Variants in CSMD2 observed in about 807,000 individuals in gnomAD.
The protein encoded by CSMD2 is CUB and sushi domain-containing protein 2.
A neutral mutation model predicts 398.5 loss-of-function variants in CSMD2; 130 were observed. That is an observed-to-expected ratio of 0.33 (90% CI 0.28 to 0.38). The LOEUF (loss-of-function observed/expected upper bound fraction) is 0.38. Among genes scored for constraint, CSMD2 ranks in the 10% least tolerant of loss-of-function variants. The pLI is 1.00. For synonymous variants in CSMD2, 1,828 were observed against 1,908.5 expected (o/e 0.96, Z 1.10); for missense variants, 3,829 against 4,764.9 (o/e 0.80, Z 5.78).
Position 33,622,264 on chromosome 1 carries a change from G to A in CSMD2, c.5730C>T (p.Thr1910=), listed in dbSNP as rs200049994. The A allele has an allele frequency of 7.8e-5, 126 of 1,613,392 alleles. No homozygotes were observed. Among genetic ancestry groups the A allele is most frequent in the Admixed American group, 1.5e-4 (9 of 60,008 alleles). The change falls in exon 37 of 71, where the codon ACC becomes ACT. Residue 1910 remains threonine (T), a synonymous_variant. Transcript: ENST00000373381. ...VTMLGSFSGT[T]VPALLNSTSN... is the part of the protein sequence containing the mutation. The stretch of plus-strand genomic sequence containing the variant: ...AGGTGCTGTTCAGAAGGGCAGGCAC[G>A]GTTGTTCCTAGGGCAAGGACACCAG...
At chr1:34,120,916 C>T (rs558352826) in intron 1 of CSMD2, among the ~76,000 whole-genome samples, 29 of 152,160 alleles carry the variant, frequency 1.9e-4, no homozygotes, top group Middle Eastern at 3.2e-3. Context: ...ATATGCCCAG[C>T]GAGGCATTTC....
At chr1:33,797,629 CCT>C (rs920819603) in intron 10 of CSMD2, among the ~76,000 whole-genome samples, 1 of 152,226 alleles carries the variant, frequency 6.6e-6, no homozygotes, top group Admixed American at 6.5e-5. Context: ...ATGACTTAAG[CCT>C]CTGTTTTCTC....
At chr1:33,964,345 T>C (rs530551369) in intron 3 of CSMD2, among the ~76,000 whole-genome samples, 125 of 152,330 alleles carry the variant, frequency 8.2e-4, no homozygotes, top group African/African-American at 2.8e-3. Context: ...TGTACTTAAA[T>C]CAGCCCCTGG....
At chr1:34,098,655 C>G (rs1024507421) in intron 1 of CSMD2, among the ~76,000 whole-genome samples, 2 of 149,042 alleles carry the variant, frequency 1.3e-5, no homozygotes, top group South Asian at 4.2e-4. Flanking sequence ...ATGTATCAGG[C>G]AATATTAAAA....
chr1:34,067,464 C>G (rs567254442), intron 2 of CSMD2, among the ~76,000 whole-genome samples: 17 of 152,138 alleles, frequency 1.1e-4, no homozygotes, highest in African/African-American at 4.1e-4. Flanking sequence ...GATGGGCCAA[C>G]GGCTTGTACA....
chr1:33,515,244 T>G lies in CSMD2; in HGVS notation c.*1380A>C, dbSNP rs1248861938. The stretch of plus-strand genomic sequence containing the variant: ...TTTTGATTCAGGACCTGCCAGGTCT[T>G]TTGCTGGCTATGGTCAGCGGCTGCT... On this transcript the variant is annotated 3_prime_UTR_variant, in exon 71 of 71. Coordinates refer to ENST00000373381, the MANE Select transcript of CSMD2 (RefSeq NM_001281956.2). 10 of 152,224 alleles carry G rather than the reference T, an allele frequency of 6.6e-5. No individual in the cohort carries two copies. Among genetic ancestry groups the G allele is most frequent in the Admixed American group, 6.5e-4 (10 of 15,284 alleles). The allele number at this position is 152,224 out of a possible 1,614,324, so 9.4% of individuals were successfully genotyped here.
intron 62 of CSMD2, among the ~76,000 whole-genome samples, chr1:33,534,298 A>G (rs151271388): frequency 2.2e-4 from 34 of 152,348 alleles, no homozygotes; most frequent in African/African-American, 8.2e-4. Context: ...GAATGTTGTG[A>G]CACTCAAATG....
intron 5 of CSMD2, chr1:33,864,056 T>G: frequency 1.3e-6 from 1 of 796,678 alleles, no homozygotes; most frequent in Non-Finnish European, 2.0e-6. Context: ...CTGAAAAGGC[T>G]GAGCCCTGAC....
At chr1:33,611,989 C>A (rs1641038742) in intron 40 of CSMD2, among the ~76,000 whole-genome samples, 1 of 152,122 alleles carries the variant, frequency 6.6e-6, no homozygotes, top group East Asian at 1.9e-4. Flanking sequence ...TTGTAAAAAT[C>A]AGATGACAAA....
intron 3 of CSMD2, among the ~76,000 whole-genome samples, chr1:33,956,207 T>TA (rs57869140): frequency 0.13 from 18,228 of 142,682 alleles, 1,325 homozygotes; most frequent in African/African-American, 0.22. Flanking sequence ...CTTAAAGTAT[T>TA]AAAAAAAAAA....
At position 33,516,234 on chromosome 1, in the gene CSMD2, C is replaced by T. The variant is rs1293990621; in HGVS notation, c.*390G>A. On this transcript the variant is annotated 3_prime_UTR_variant, in exon 71 of 71. Coordinates refer to ENST00000373381, the MANE Select transcript of CSMD2 (RefSeq NM_001281956.2). ...GGGCATGAAGCATCCTTCATGCGCA[C>T]TTCTAGTTTTGAAGCCTTTATGGTC... 6.6e-6 allele frequency: 1 copy of T among 152,100 alleles called. No individual in the cohort carries two copies. The highest frequency in any genetic ancestry group is 1.9e-4 in the East Asian group (1 of 5,172). The allele number at this position is 152,100 out of a possible 1,614,324, so 9.4% of individuals were successfully genotyped here.
At chr1:34,120,670 A>C (rs1662087645) in intron 1 of CSMD2, among the ~76,000 whole-genome samples, 1 of 151,988 alleles carries the variant, frequency 6.6e-6, no homozygotes, top group South Asian at 2.1e-4. Flanking sequence ...TCAGCCTCCC[A>C]AGTAGCTGGG....
At chr1:33,801,078 G>A (rs781769156) in intron 10 of CSMD2, among the ~76,000 whole-genome samples, 4 of 152,326 alleles carry the variant, frequency 2.6e-5, no homozygotes, top group Non-Finnish European at 4.4e-5. Flanking sequence ...AAAGGAAACA[G>A]TGACAGTGAT....
At chr1:33,689,571 C>G (rs1557734759) in intron 25 of CSMD2, among the ~76,000 whole-genome samples, 1 of 152,148 alleles carries the variant, frequency 6.6e-6, no homozygotes, top group African/African-American at 2.4e-5. Flanking sequence ...TGAAAATGGT[C>G]CTCACTACTG....
chr1:34,030,602 T>C lies in CSMD2; in HGVS notation c.517+1992A>G, dbSNP rs1218726726. Among the ~76,000 whole-genome samples the C allele has an allele frequency of 6.6e-5, 10 of 152,220 alleles. No homozygotes were observed. The South Asian group carries it at 1.9e-3, about 28-fold the overall frequency. ...GTTGCCCAACTACAGACCCTGCTCA[T>C]GATTTCCAGGTGACAGTGTCTGTTT... On this transcript the variant is annotated intron_variant, in intron 3 of 70. Coordinates refer to ENST00000373381, the MANE Select transcript of CSMD2 (RefSeq NM_001281956.2).
At chr1:34,011,179 A>C (rs996344275) in intron 3 of CSMD2, among the ~76,000 whole-genome samples, 2 of 152,138 alleles carry the variant, frequency 1.3e-5, no homozygotes, top group African/African-American at 4.8e-5. Context: ...GCCTGTGCTC[A>C]TGAGTGAATC....
intron 2 of CSMD2, among the ~76,000 whole-genome samples, chr1:34,077,285 G>T (rs1247160556): frequency 1.3e-5 from 2 of 150,896 alleles, no homozygotes; most frequent in African/African-American, 4.9e-5. Flanking sequence ...GTGAATCCCC[G>T]TCTCTACTAA....
intron 12 of CSMD2, among the ~76,000 whole-genome samples, chr1:33,782,199 G>GA (rs1652869896): frequency 6.6e-6 from 1 of 150,920 alleles, no homozygotes; most frequent in Non-Finnish European, 1.5e-5. Context: ...CCCAACCCCT[G>GA]CTCGTTCCTG....
At chr1:34,115,208 T>G (rs889680743) in intron 1 of CSMD2, among the ~76,000 whole-genome samples, 2 of 151,538 alleles carry the variant, frequency 1.3e-5, no homozygotes, top group Non-Finnish European at 2.9e-5. Flanking sequence ...GGCTGAAAAC[T>G]TCCTAAATCT....
Sources: allele counts gnomAD v4.1 joint callset (sites outside exome capture counted in the v4.1 genomes callset), GRCh38; gene constraint gnomAD v4.1.1; transcripts MANE v1.5; gene names NCBI Gene and HGNC (gene_info 2026-07-23, HGNC 2026-07-21).